The following CRPPA variants were observed in gnomAD, a reference collection of about 807,000 sequenced individuals.
CRPPA encodes D-ribitol-5-phosphate cytidylyltransferase.
CRPPA carries 43 observed loss-of-function variants against 52.0 expected under a neutral mutation model. The observed-to-expected ratio is 0.83, with a 90% CI of 0.65 to 1.07. CRPPA has a LOEUF of 1.07. Among genes scored for constraint, CRPPA ranks in the 50% least tolerant of loss-of-function variants. CRPPA has a pLI of 0.00. For missense variants in CRPPA, 629 were observed against 551.7 expected, an observed-to-expected ratio of 1.14 and a Z score of -1.40; for synonymous variants, 250 against 203.5, an observed-to-expected ratio of 1.23 and a Z score of -1.94.
chr7:16,194,401 C>T lies in CRPPA; in HGVS notation c.1251+21665G>A, dbSNP rs369388276. 2.6e-5 allele frequency among the ~76,000 whole-genome samples: 4 copies of T among 152,156 alleles called. No homozygotes were observed. The East Asian group carries it at 7.7e-4, about 29-fold the overall frequency. ...TTGTTACCACTTATGTTCCAAGTTT[C>T]ATACTCCCTTACTTAATATCCATAT... On this transcript the variant is annotated intron_variant, in intron 9 of 9. Coordinates refer to ENST00000407010, the MANE Select transcript of CRPPA (RefSeq NM_001101426.4).
chr7:16,373,464 G>T (rs1471623407), intron 3 of CRPPA, among the ~76,000 whole-genome samples: 2 of 152,188 alleles, frequency 1.3e-5, no homozygotes. Flanking sequence ...CAGGCAGATT[G>T]CTAAGAAGAA....
chr7:16,197,188 G>A (rs1781757734), intron 9 of CRPPA, among the ~76,000 whole-genome samples: 1 of 152,154 alleles, frequency 6.6e-6, no homozygotes, highest in Non-Finnish European at 1.5e-5. Flanking sequence ...GAATCAGGGT[G>A]GAGAATGAGG....
At chr7:16,155,978 G>A (rs925843431) in intron 9 of CRPPA, among the ~76,000 whole-genome samples, 3 of 151,930 alleles carry the variant, frequency 2.0e-5, no homozygotes, top group Non-Finnish European at 4.4e-5. Flanking sequence ...CAACGGGAGG[G>A]GTCAGCATAA....
intron 9 of CRPPA, among the ~76,000 whole-genome samples, chr7:16,128,079 T>A (rs1782612924): frequency 6.6e-6 from 1 of 152,138 alleles, no homozygotes; most frequent in Admixed American, 6.5e-5. Context: ...AGCTAATTTT[T>A]ACTCCCGCCA....
chr7:16,384,631 C>T (rs1787205637), intron 2 of CRPPA, among the ~76,000 whole-genome samples: 1 of 152,166 alleles, frequency 6.6e-6, no homozygotes, highest in African/African-American at 2.4e-5. Context: ...CCCACTGAAA[C>T]CTTTATCATT....
chr7:16,203,813 C>G (rs947161620), intron 9 of CRPPA, among the ~76,000 whole-genome samples: 1 of 152,210 alleles, frequency 6.6e-6, no homozygotes, highest in African/African-American at 2.4e-5. Flanking sequence ...AAAAACCACT[C>G]TGCCTGGATC....
chr7:16,372,835 G>T (rs759919656), intron 3 of CRPPA, among the ~76,000 whole-genome samples: 1 of 152,166 alleles, frequency 6.6e-6, no homozygotes, highest in African/African-American at 2.4e-5. Context: ...AGGTAAAGAG[G>T]TGGAAAAATA....
At chr7:16,118,965 TAGG>T (rs533920310) in intron 9 of CRPPA, among the ~76,000 whole-genome samples, 92 of 152,108 alleles carry the variant, frequency 6.0e-4, no homozygotes, top group Non-Finnish European at 1.2e-3. Flanking sequence ...AGATCAGAGA[TAGG>T]AGGAGGATGA....
intron 9 of CRPPA, among the ~76,000 whole-genome samples, chr7:16,186,364 G>A (rs952117038): frequency 6.6e-6 from 1 of 152,176 alleles, no homozygotes; most frequent in Non-Finnish European, 1.5e-5. Flanking sequence ...GAGCTAGCTA[G>A]CTCTTTTCCG....
intron 9 of CRPPA, among the ~76,000 whole-genome samples, chr7:16,173,044 A>G (rs1781223111): frequency 6.6e-6 from 1 of 152,226 alleles, no homozygotes; most frequent in Non-Finnish European, 1.5e-5. Flanking sequence ...ATTTAGACAC[A>G]TATTCTTTCA....
intron 2 of CRPPA, among the ~76,000 whole-genome samples, chr7:16,397,308 A>C (rs1787619028): frequency 6.6e-6 from 1 of 152,264 alleles, no homozygotes; most frequent in African/African-American, 2.4e-5. Context: ...CTGACATGTA[A>C]CTGACACGTG....
At chr7:16,124,581 C>A (rs1782540180) in intron 9 of CRPPA, among the ~76,000 whole-genome samples, 3 of 152,070 alleles carry the variant, frequency 2.0e-5, no homozygotes, top group Admixed American at 1.3e-4. Flanking sequence ...CTGGGATCTA[C>A]AAAGGTTGGT....
At chr7:16,334,146 G>C (rs1785622369) in intron 3 of CRPPA, among the ~76,000 whole-genome samples, 1 of 152,156 alleles carries the variant, frequency 6.6e-6, no homozygotes, top group South Asian at 2.1e-4. Flanking sequence ...CACCACACCA[G>C]ATAAACTAGC....
chr7:16,359,371 TA>T (rs1359231029), intron 3 of CRPPA, among the ~76,000 whole-genome samples: 1 of 152,216 alleles, frequency 6.6e-6, no homozygotes, highest in African/African-American at 2.4e-5. Flanking sequence ...TGATCACAAG[TA>T]CTGTCGTCAT....
chr7:16,176,293 T>G (rs1048707034), intron 9 of CRPPA, among the ~76,000 whole-genome samples: 2 of 152,154 alleles, frequency 1.3e-5, no homozygotes, highest in African/African-American at 4.8e-5. Context: ...TCCTAAACAT[T>G]ATGCGTCATT....
chr7:16,311,821 T>C (rs1237231414), intron 3 of CRPPA, among the ~76,000 whole-genome samples: 2 of 152,112 alleles, frequency 1.3e-5, no homozygotes, highest in Non-Finnish European at 2.9e-5. Context: ...TAGATTTATT[T>C]TTGGCATGTG....
At chr7:16,223,726 A>G (rs1782579502) in intron 8 of CRPPA, among the ~76,000 whole-genome samples, 1 of 152,200 alleles carries the variant, frequency 6.6e-6, no homozygotes, top group Admixed American at 6.5e-5. Flanking sequence ...ACCACAGCAG[A>G]GGGTTGCAAA....
intron 9 of CRPPA, among the ~76,000 whole-genome samples, chr7:16,101,439 G>T (rs1347543794): frequency 6.6e-6 from 1 of 152,016 alleles, no homozygotes; most frequent in African/African-American, 2.4e-5. Flanking sequence ...ATTTGTGTAG[G>T]TGTGTTTATA....
chr7:16,121,105 A>T (rs932878489), intron 9 of CRPPA, among the ~76,000 whole-genome samples: 60 of 152,070 alleles, frequency 3.9e-4, no homozygotes, highest in South Asian at 1.2e-3. Flanking sequence ...ACTTGTCCAA[A>T]CTCACATAGG....
Sources: gnomAD v4.1 joint callset for allele counts (sites outside exome capture counted in the v4.1 genomes callset) on GRCh38, gnomAD v4.1.1 for gene constraint, MANE v1.5 for transcripts, NCBI Gene and HGNC (gene_info 2026-07-23, HGNC 2026-07-21) for gene names.